The following NHSL2 variants were observed in gnomAD, a reference collection of about 807,000 sequenced individuals.
NHSL2 encodes the protein NHS like 2.
A neutral mutation model predicts 53.4 loss-of-function variants in NHSL2; 27 were observed. The observed-to-expected ratio is 0.51, with a 90% confidence interval of 0.37 to 0.70. NHSL2 has a LOEUF of 0.70. Among genes scored for constraint, NHSL2 ranks in the 30% least tolerant of loss-of-function variants. The probability of loss-of-function intolerance (pLI) is 0.00; values close to 1 mark genes in which losing one functional copy is unlikely to be tolerated. For synonymous variants in NHSL2, 408 were observed against 404.1 expected, an observed-to-expected ratio of 1.01 and a Z score of -0.12; for missense variants, 892 against 980.1, an observed-to-expected ratio of 0.91 and a Z score of 1.20.
rs754584308 is a variant in NHSL2, at chrX:71,927,690, A to G, written c.280+16323A>G. On this transcript the variant is annotated intron_variant, in intron 1 of 7. Coordinates refer to ENST00000633930, the MANE Select transcript of NHSL2 (RefSeq NM_001013627.3). ...TCCTGCCTCAGCCTCCTGAGTAGCT[A>G]GATTACAGGCGCCTGCCACCAAGCC... Among the ~76,000 whole-genome samples the G allele has an allele frequency of 5.4e-5, 6 of 110,797 alleles. No homozygotes were observed. In the South Asian group the frequency reaches 1.2e-3, roughly 22 times the overall value.
intron 1 of NHSL2, among the ~76,000 whole-genome samples, chrX:72,117,333 G>A (rs1253280329): frequency 2.0e-5 from 2 of 101,918 alleles, no homozygotes; most frequent in Non-Finnish European, 4.0e-5. Context: ...TATCACAGCT[G>A]CCCTGATCAC....
chrX:71,922,150 T>C (rs1348421383), intron 1 of NHSL2, among the ~76,000 whole-genome samples: 1 of 112,241 alleles, frequency 8.9e-6, no homozygotes, highest in Admixed American at 9.5e-5. Flanking sequence ...AGAAAGAGTA[T>C]TTATCTTTTT....
intron 1 of NHSL2, among the ~76,000 whole-genome samples, chrX:72,037,231 A>C (rs1387376215): frequency 9.0e-6 from 1 of 111,526 alleles, no homozygotes; most frequent in East Asian, 2.8e-4. Flanking sequence ...CATCCTGGCT[A>C]ACATGGTGAA....
intron 1 of NHSL2, among the ~76,000 whole-genome samples, chrX:72,044,188 G>A (rs986886919): frequency 4.5e-5 from 5 of 112,055 alleles, no homozygotes; most frequent in African/African-American, 1.6e-4. Flanking sequence ...GGCAAAGCGA[G>A]TGCAAATCAG....
intron 1 of NHSL2, among the ~76,000 whole-genome samples, chrX:71,960,374 A>T (rs188002398): frequency 7.1e-5 from 8 of 112,292 alleles, no homozygotes; most frequent in Admixed American, 6.6e-4. Context: ...TATGAAGTCA[A>T]ATTTATAGCT....
At chrX:72,083,220 G>A (rs1453577171) in intron 1 of NHSL2, among the ~76,000 whole-genome samples, 3 of 112,629 alleles carry the variant, frequency 2.7e-5, no homozygotes, top group Non-Finnish European at 3.8e-5. Flanking sequence ...CCAAGCAATG[G>A]CTCCAGAGCC....
At chrX:71,928,667 G>A (rs1230975335) in intron 1 of NHSL2, among the ~76,000 whole-genome samples, 2 of 111,328 alleles carry the variant, frequency 1.8e-5, no homozygotes, top group Non-Finnish European at 3.8e-5. Context: ...TGGTGCCAAG[G>A]TCGAGGGGCA....
rs547882350 is a variant in NHSL2 at position 71,916,629 on chromosome X, G to A, written c.280+5262G>A. 3.6e-5 allele frequency among the ~76,000 whole-genome samples: 4 copies of A among 111,486 alleles called. No homozygotes were observed. The South Asian group carries it at 1.5e-3, about 43-fold the overall frequency. ...CTGGGAATCAGGTCTTATTTAGGTG[G>A]AGGAGAGCTGATAACCAGAACCAGG... is the stretch of plus-strand genomic sequence containing the variant. On this transcript the variant is annotated intron_variant, in intron 1 of 7. Transcript: ENST00000633930.
chrX:72,072,113 G>A (rs779616533), intron 1 of NHSL2, among the ~76,000 whole-genome samples: 9 of 112,597 alleles, frequency 8.0e-5, no homozygotes, highest in African/African-American at 2.9e-4. Flanking sequence ...CCCAAGTGTG[G>A]AGTGGATCTC....
intron 1 of NHSL2, among the ~76,000 whole-genome samples, chrX:72,064,198 A>G (rs1404219995): frequency 2.7e-5 from 3 of 111,996 alleles, no homozygotes; most frequent in Non-Finnish European, 5.6e-5. Context: ...CTTGGGGCAC[A>G]CAACACACAA....
chrX:72,042,744 A>G (rs1442675464), intron 1 of NHSL2, among the ~76,000 whole-genome samples: 1 of 55,577 alleles, frequency 1.8e-5, no homozygotes, highest in Non-Finnish European at 4.4e-5. Flanking sequence ...CAAGAAGACA[A>G]TCCCTGAGCC....
At chrX:72,011,962 G>A (rs1423221040) in intron 1 of NHSL2, among the ~76,000 whole-genome samples, 1 of 111,728 alleles carries the variant, frequency 9.0e-6, no homozygotes. Flanking sequence ...TTCTGGTTGA[G>A]TTGTTTGAAT....
chrX:71,955,539 G>A (rs946010983), intron 1 of NHSL2, among the ~76,000 whole-genome samples: 31 of 110,308 alleles, frequency 2.8e-4, no homozygotes, highest in African/African-American at 9.3e-4. Flanking sequence ...CTTCAAGGCC[G>A]GGAGTTTATG....
Position 72,091,797 on chromosome X carries a change from C to G in NHSL2, c.281-40282C>G, listed in dbSNP as rs7891564. On this transcript the variant is annotated intron_variant, in intron 1 of 7. Coordinates refer to ENST00000633930, the MANE Select transcript of NHSL2 (RefSeq NM_001013627.3). ...TCCAGGATACCCATGATCCACAAAC[C>G]CACGTGGTGCAAGTCCTAGAGTGTC... is the stretch of plus-strand genomic sequence containing the variant. Among the ~76,000 whole-genome samples the G allele has an allele frequency of 6.2e-3, 686 of 111,403 alleles. 5 individuals carry two copies. Among genetic ancestry groups the G allele is most frequent in the African/African-American group, 0.021 (649 of 30,599 alleles).
chrX:71,940,070 T>C (rs183681715), intron 1 of NHSL2, among the ~76,000 whole-genome samples: 2 of 111,898 alleles, frequency 1.8e-5, no homozygotes, highest in East Asian at 5.6e-4. Flanking sequence ...GAGCAAGACC[T>C]GAGAACCCTC....
chrX:71,952,269 A>G (rs2041824451), intron 1 of NHSL2, among the ~76,000 whole-genome samples: 1 of 111,607 alleles, frequency 9.0e-6, no homozygotes, highest in South Asian at 3.8e-4. Flanking sequence ...TCTCTTAGTG[A>G]GTGTAAAGAG....
rs1008182308 is a variant in NHSL2, at chrX:71,911,514, C to T, written c.280+147C>T. ...TTCGGGGAGTGAGGGGATCCCATTT[C>T]CCCGACCCCCGCCTCCGCCCCACGG... On this transcript the variant is annotated intron_variant, in intron 1 of 7. Coordinates refer to ENST00000633930, the MANE Select transcript of NHSL2 (RefSeq NM_001013627.3). 3 of 491,388 alleles carry T rather than the reference C, an allele frequency of 6.1e-6. No homozygotes were observed. In the African/African-American group the frequency reaches 7.5e-5, roughly 12 times the overall value. 40.5% of individuals were successfully genotyped at this position (491,388 alleles called of 1,213,427 possible).
chrX:72,123,704 G>A (rs762114825), intron 1 of NHSL2, among the ~76,000 whole-genome samples: 46 of 112,260 alleles, frequency 4.1e-4, no homozygotes, highest in Admixed American at 2.1e-3. Context: ...TCCCCAGGCC[G>A]TGGGACCTTC....
Position 72,056,580 on chromosome X carries a change from G to A in NHSL2, c.281-75499G>A, listed in dbSNP as rs73624204. On this transcript the variant is annotated intron_variant, in intron 1 of 7. Transcript: ENST00000633930. ...CACACACACACACACACACACACAC[G>A]CTCACACACAGACTGGCATGTCCAT... Among the ~76,000 whole-genome samples the A allele has an allele frequency of 4.8e-3, 518 of 108,170 alleles. 3 individuals carry two copies. Among genetic ancestry groups the A allele is most frequent in the African/African-American group, 0.017 (495 of 28,791 alleles). The allele number at this position is 108,170 out of a possible 115,157, so 93.9% of individuals were successfully genotyped here. A position where few individuals can be genotyped will look rare whatever the true frequency, so the allele number is the denominator to read the frequency against.
Sources: gnomAD v4.1 joint callset for allele counts (sites outside exome capture counted in the v4.1 genomes callset) on GRCh38, gnomAD v4.1.1 for gene constraint, MANE v1.5 for transcripts, NCBI Gene and HGNC (gene_info 2026-07-23, HGNC 2026-07-21) for gene names.